Variants in PRKG1 observed in about 807,000 individuals in gnomAD.
PRKG1 encodes cGMP-dependent protein kinase 1.
A neutral mutation model predicts 88.1 loss-of-function variants in PRKG1; 35 were observed. The observed-to-expected ratio is 0.40, with a 90% confidence interval of 0.30 to 0.53. The LOEUF (loss-of-function observed/expected upper bound fraction) is 0.53. Ranked by LOEUF, PRKG1 falls within the 20% of genes least tolerant of loss-of-function variation. The probability of loss-of-function intolerance (pLI) is 0.59; values close to 1 mark genes in which losing one functional copy is unlikely to be tolerated. For missense variants in PRKG1, 540 were observed against 839.8 expected, an observed-to-expected ratio of 0.64 and a Z score of 4.41; for synonymous variants, 303 against 292.5, an observed-to-expected ratio of 1.04 and a Z score of -0.37.
intron 3 of PRKG1, among the ~76,000 whole-genome samples, chr10:51,555,238 A>G (rs942229548): frequency 6.6e-5 from 10 of 152,036 alleles, no homozygotes; most frequent in African/African-American, 2.4e-4. Flanking sequence ...AACATTTTCA[A>G]CTCAAAACTC....
At chr10:51,404,994 A>C (rs1010818631) in intron 2 of PRKG1, among the ~76,000 whole-genome samples, 2 of 152,240 alleles carry the variant, frequency 1.3e-5, no homozygotes, top group Non-Finnish European at 2.9e-5. Context: ...TCACTTCTGC[A>C]GTATGAGTAA....
chr10:52,082,314 T>C (rs1846798942), intron 7 of PRKG1, among the ~76,000 whole-genome samples: 2 of 152,102 alleles, frequency 1.3e-5, no homozygotes, highest in Non-Finnish European at 2.9e-5. Context: ...AACCATATCA[T>C]TACATCCTTT....
intron 3 of PRKG1, among the ~76,000 whole-genome samples, chr10:51,711,879 A>G (rs1841760434): frequency 6.6e-6 from 1 of 152,174 alleles, no homozygotes; most frequent in South Asian, 2.1e-4. Flanking sequence ...GGGGGTAATG[A>G]GTTTACATTC....
chr10:51,932,560 T>C (rs1391381992), intron 5 of PRKG1, among the ~76,000 whole-genome samples: 1 of 152,172 alleles, frequency 6.6e-6, no homozygotes, highest in Non-Finnish European at 1.5e-5. Context: ...ATTTTTATGC[T>C]GCTCTGCCTT....
intron 2 of PRKG1, among the ~76,000 whole-genome samples, chr10:51,169,105 T>C (rs1846628016): frequency 6.6e-6 from 1 of 152,212 alleles, no homozygotes; most frequent in African/African-American, 2.4e-5. Context: ...ACCAGCATTT[T>C]GGAGAGAGGA....
At chr10:51,691,672 C>G (rs1037775400) in intron 3 of PRKG1, among the ~76,000 whole-genome samples, 2 of 152,154 alleles carry the variant, frequency 1.3e-5, no homozygotes, top group African/African-American at 4.8e-5. Flanking sequence ...TTGATCCAAT[C>G]TAATAATTAT....
At chr10:52,042,471 G>A (rs1845774820) in intron 5 of PRKG1, among the ~76,000 whole-genome samples, 1 of 152,122 alleles carries the variant, frequency 6.6e-6, no homozygotes, top group Non-Finnish European at 1.5e-5. Flanking sequence ...ACACATTGGG[G>A]AATGAACAGT....
At chr10:51,165,479 A>G (rs916018936) in intron 2 of PRKG1, among the ~76,000 whole-genome samples, 2 of 152,152 alleles carry the variant, frequency 1.3e-5, no homozygotes, top group African/African-American at 4.8e-5. Context: ...GCTAGGAAGA[A>G]ACTGCAACTA....
chr10:51,670,283 C>G (rs965632294), intron 3 of PRKG1, among the ~76,000 whole-genome samples: 4 of 151,990 alleles, frequency 2.6e-5, no homozygotes, highest in Admixed American at 6.6e-5. Flanking sequence ...TTTCTTAGAA[C>G]TGTTATGTTG....
chr10:51,348,505 T>A (rs1172200436), intron 2 of PRKG1, among the ~76,000 whole-genome samples: 1 of 152,204 alleles, frequency 6.6e-6, no homozygotes, highest in Non-Finnish European at 1.5e-5. Context: ...CAAGAGTGGA[T>A]CCTGCCTAGA....
intron 4 of PRKG1, among the ~76,000 whole-genome samples, chr10:51,820,521 G>T (rs1185525630): frequency 6.6e-6 from 1 of 152,122 alleles, no homozygotes; most frequent in Non-Finnish European, 1.5e-5. Context: ...CACACCTCCT[G>T]CTAATCTGAT....
At chr10:51,155,115 T>G (rs1328245487) in intron 2 of PRKG1, among the ~76,000 whole-genome samples, 2 of 152,094 alleles carry the variant, frequency 1.3e-5, no homozygotes, top group Non-Finnish European at 2.9e-5. Flanking sequence ...CCAGTGCTAA[T>G]TATTGCTGTT....
intron 2 of PRKG1, among the ~76,000 whole-genome samples, chr10:51,202,045 G>A (rs1837925730): frequency 6.6e-6 from 1 of 152,138 alleles, no homozygotes; most frequent in African/African-American, 2.4e-5. Context: ...TGTTATGAGG[G>A]ATTCTGTAGC....
chr10:51,215,384 C>G (rs190867578), intron 2 of PRKG1, among the ~76,000 whole-genome samples: 23 of 152,244 alleles, frequency 1.5e-4, no homozygotes, highest in African/African-American at 5.5e-4. Flanking sequence ...AGCTCTTCAG[C>G]ATTGTTAGAA....
chr10:51,939,513 C>T (rs1412531612), intron 5 of PRKG1, among the ~76,000 whole-genome samples: 1 of 151,844 alleles, frequency 6.6e-6, no homozygotes, highest in Non-Finnish European at 1.5e-5. Flanking sequence ...TTCTTTATAC[C>T]ATATTATTTA....
intron 3 of PRKG1, among the ~76,000 whole-genome samples, chr10:51,654,276 A>G (rs569957815): frequency 1.3e-5 from 2 of 152,310 alleles, no homozygotes; most frequent in African/African-American, 4.8e-5. Flanking sequence ...TCATTTATTG[A>G]AAAGACTGTC....
At chr10:51,847,449 A>T (rs1840428428) in intron 4 of PRKG1, among the ~76,000 whole-genome samples, 1 of 152,092 alleles carries the variant, frequency 6.6e-6, no homozygotes, top group African/African-American at 2.4e-5. Context: ...ACCTTTTTTT[A>T]TATCTAAATG....
chr10:51,143,151 G>A (rs1845861393), intron 1 of PRKG1, among the ~76,000 whole-genome samples: 1 of 151,926 alleles, frequency 6.6e-6, no homozygotes, highest in Non-Finnish European at 1.5e-5. Flanking sequence ...AACTATCCCA[G>A]CCTTTGGTAA....
rs1029055255 is a variant in PRKG1 at position 51,265,195 on chromosome 10, T to C, written c.478+111865T>C. On this transcript the variant is annotated intron_variant, in intron 2 of 17. Coordinates refer to ENST00000373980, the MANE Select transcript of PRKG1 (RefSeq NM_006258.4). ...GTGATTTTTTAAGGTAAAACACTTATTTGGGTATATAAGTTAATTAATTTT... is the reference window on the plus strand; with the variant it reads ...GTGATTTTTTAAGGTAAAACACTTACTTGGGTATATAAGTTAATTAATTTT... 3.9e-5 allele frequency among the ~76,000 whole-genome samples: 6 copies of C among 152,142 alleles called. No homozygotes were observed. The South Asian group carries it at 1.0e-3, about 26-fold the overall frequency.
Sources: gnomAD v4.1 joint callset for allele counts (sites outside exome capture counted in the v4.1 genomes callset) on GRCh38, gnomAD v4.1.1 for gene constraint, MANE v1.5 for transcripts, NCBI Gene and HGNC (gene_info 2026-07-23, HGNC 2026-07-21) for gene names.